THADA: variants seen among roughly 807,000 people sequenced by gnomAD.
THADA encodes the protein tRNA (32-2'-O)-methyltransferase regulator THADA.
THADA carries 213 observed loss-of-function variants against 219.8 expected under a neutral mutation model. The observed-to-expected ratio is 0.97, with a 90% CI of 0.87 to 1.09. The LOEUF is 1.09. THADA is among the 50% of genes least tolerant of loss of function. The probability of loss-of-function intolerance (pLI) is 0.00; values close to 1 mark genes in which losing one functional copy is unlikely to be tolerated. For synonymous variants in THADA, 1,018 were observed against 828.9 expected (o/e 1.23, Z -3.92); for missense variants, 2,956 against 2,311.3 (o/e 1.28, Z -5.72).
At chr2:43,498,161 T>C (rs909051426) in intron 25 of THADA, among the ~76,000 whole-genome samples, 3 of 152,072 alleles carry the variant, frequency 2.0e-5, no homozygotes, top group Admixed American at 6.5e-5. Context: ...ATTCCATTTA[T>C]ATGAGGTATT....
chr2:43,373,726 C>A (rs1349814706), intron 29 of THADA, among the ~76,000 whole-genome samples: 1 of 152,136 alleles, frequency 6.6e-6, no homozygotes, highest in African/African-American at 2.4e-5. Flanking sequence ...GATCTGTCCA[C>A]CTCGGCCTCC....
chr2:43,564,849 A>T (rs949603438), intron 15 of THADA: 1 of 152,218 alleles, frequency 6.6e-6, no homozygotes. Flanking sequence ...CCTGAGACAT[A>T]TTCTTCCAAA....
intron 30 of THADA, among the ~76,000 whole-genome samples, chr2:43,330,640 AAC>A (rs1271021501): frequency 2.6e-5 from 4 of 152,218 alleles, no homozygotes; most frequent in African/African-American, 9.6e-5. Flanking sequence ...CGGGAGAACA[AAC>A]TTATTTACAT....
intron 29 of THADA, among the ~76,000 whole-genome samples, chr2:43,374,972 C>T (rs1024104011): frequency 3.3e-5 from 5 of 151,762 alleles, no homozygotes; most frequent in African/African-American, 7.3e-5. Flanking sequence ...TATACTGAAA[C>T]TCAGTGTATG....
intron 36 of THADA, among the ~76,000 whole-genome samples, chr2:43,275,462 C>T (rs781209571): frequency 1.3e-5 from 2 of 152,190 alleles, no homozygotes; most frequent in African/African-American, 4.8e-5. Flanking sequence ...AGCCATCCCC[C>T]TGCCTGCCCT....
intron 26 of THADA, among the ~76,000 whole-genome samples, chr2:43,461,610 T>C (rs1413752381): frequency 1.3e-5 from 2 of 152,202 alleles, no homozygotes; most frequent in Non-Finnish European, 2.9e-5. Flanking sequence ...GTTTGAGCCC[T>C]GGATGAATGC....
At chr2:43,545,435 T>C (rs1466647721) in intron 20 of THADA, among the ~76,000 whole-genome samples, 1 of 151,678 alleles carries the variant, frequency 6.6e-6, no homozygotes, top group Non-Finnish European at 1.5e-5. Context: ...ATTGGAATAG[T>C]TTCAGAAGGA....
chr2:43,254,998 C>A (rs1015953751), intron 36 of THADA, among the ~76,000 whole-genome samples: 8 of 152,164 alleles, frequency 5.3e-5, no homozygotes, highest in African/African-American at 1.9e-4. Flanking sequence ...CTCCAAACTT[C>A]AAAACCAACC....
chr2:43,239,810 G>A (rs1414471235), intron 36 of THADA, among the ~76,000 whole-genome samples: 1 of 152,180 alleles, frequency 6.6e-6, no homozygotes, highest in African/African-American at 2.4e-5. Context: ...TAGGGGACTG[G>A]CCAAGGTGTT....
intron 22 of THADA, among the ~76,000 whole-genome samples, chr2:43,520,359 A>G (rs937766465): frequency 4.6e-5 from 7 of 152,224 alleles, no homozygotes; most frequent in Admixed American, 1.3e-4. Flanking sequence ...TTCAAGGTTC[A>G]TCATAAACAA....
chr2:43,336,539 T>C (rs568024393), intron 30 of THADA, among the ~76,000 whole-genome samples: 104 of 152,200 alleles, frequency 6.8e-4, no homozygotes, highest in Non-Finnish European at 1.2e-3. Flanking sequence ...CCCAAAGTGC[T>C]GGGGTAACAA....
chr2:43,268,282 T>A (rs944743296), intron 36 of THADA, among the ~76,000 whole-genome samples: 2 of 152,210 alleles, frequency 1.3e-5, no homozygotes, highest in African/African-American at 4.8e-5. Flanking sequence ...ATTCTCCTCC[T>A]AACGCTCATA....
In THADA at chr2:43,549,356, C is replaced by A; in HGVS notation, c.2960G>T (p.Arg987Leu). 1.2e-6 allele frequency: 2 copies of A among 1,601,994 alleles called. No individual in the cohort carries two copies. Among genetic ancestry groups the A allele is most frequent in the Non-Finnish European group, 1.7e-6 (2 of 1,174,734 alleles). The stretch of plus-strand genomic sequence containing the variant: ...AATCTCATTCAGAATCATCTGTAAG[C>A]GGCTTGCTGACTCTGAGGGAAAGAA... ...PMDTDSESAS[R>L]LQMILNEIQP... The change falls in exon 20 of 38, where the codon CGC becomes CTC. Residue 987 changes from arginine to leucine, a missense_variant. Arg to Leu is a moderately radical substitution (Grantham distance 102). Transcript: ENST00000405975.
intron 28 of THADA, among the ~76,000 whole-genome samples, chr2:43,398,788 G>A (rs966877870): frequency 5.3e-5 from 8 of 152,206 alleles, no homozygotes; most frequent in African/African-American, 1.7e-4. Flanking sequence ...AACAGTAGAA[G>A]TTAAGGCTGA....
intron 1 of THADA, among the ~76,000 whole-genome samples, chr2:43,594,600 T>C (rs1003490534): frequency 1.3e-5 from 2 of 151,814 alleles, no homozygotes; most frequent in Non-Finnish European, 2.9e-5. Context: ...AATAAATAAA[T>C]AAATAAATAA....
intron 15 of THADA, among the ~76,000 whole-genome samples, chr2:43,561,896 C>T (rs1698113714): frequency 6.6e-6 from 1 of 152,120 alleles, no homozygotes; most frequent in African/African-American, 2.4e-5. Context: ...TTACAAATGT[C>T]CTTCATCATC....
intron 26 of THADA, among the ~76,000 whole-genome samples, chr2:43,474,648 TA>T (rs112650833): frequency 0.027 from 4,169 of 152,266 alleles, 110 homozygotes; most frequent in African/African-American, 0.076. Flanking sequence ...GCTTTGCTTA[TA>T]GGGGGCAAAA....
At chr2:43,458,248 G>C (rs891378795) in intron 26 of THADA, among the ~76,000 whole-genome samples, 2 of 152,108 alleles carry the variant, frequency 1.3e-5, no homozygotes. Context: ...CGTATGTTTT[G>C]ACCTAAAAGA....
intron 29 of THADA, among the ~76,000 whole-genome samples, chr2:43,358,146 C>A (rs1669085628): frequency 6.6e-6 from 1 of 152,140 alleles, no homozygotes; most frequent in East Asian, 1.9e-4. Flanking sequence ...ATGTATGAAT[C>A]TGTATAATGA....
Sources: gnomAD v4.1 joint callset for allele counts (sites outside exome capture counted in the v4.1 genomes callset) on GRCh38, gnomAD v4.1.1 for gene constraint, MANE v1.5 for transcripts, NCBI Gene and HGNC (gene_info 2026-07-23, HGNC 2026-07-21) for gene names.